TCF4: variants seen among roughly 807,000 people sequenced by gnomAD.
The protein encoded by TCF4 is transcription factor 4.
TCF4 carries 3 observed loss-of-function variants against 82.1 expected under a neutral mutation model. The observed-to-expected ratio is 0.04, with a 90% CI of 0.02 to 0.09. The LOEUF is 0.09. TCF4 is among the 10% of genes least tolerant of loss of function. The pLI, the probability that TCF4 is intolerant of heterozygous loss-of-function variation, is 1.00. For synonymous variants in TCF4, 276 were observed against 309.6 expected (o/e 0.89, Z 1.14); for missense variants, 518 against 852.7 (o/e 0.61, Z 4.89).
chr18:55,377,081 C>G (rs933672971), intron 6 of TCF4, among the ~76,000 whole-genome samples: 1 of 152,200 alleles, frequency 6.6e-6, no homozygotes, highest in African/African-American at 2.4e-5. Context: ...ACCAGTTCTT[C>G]CCAGAGCCCA....
intron 8 of TCF4, among the ~76,000 whole-genome samples, chr18:55,341,733 C>T (rs2080008139): frequency 6.6e-6 from 1 of 152,106 alleles, no homozygotes; most frequent in Non-Finnish European, 1.5e-5. Context: ...GTATCTAAAA[C>T]ATATCCCTCA....
At chr18:55,306,721 T>C (rs2070482815) in intron 8 of TCF4, among the ~76,000 whole-genome samples, 1 of 152,230 alleles carries the variant, frequency 6.6e-6, no homozygotes, top group African/African-American at 2.4e-5. Context: ...GCAGGTATAA[T>C]TATCTTCATT....
chr18:55,388,654 G>T (rs1355123947), intron 6 of TCF4, among the ~76,000 whole-genome samples: 1 of 151,996 alleles, frequency 6.6e-6, no homozygotes, highest in Non-Finnish European at 1.5e-5. Flanking sequence ...AAGACTCTGT[G>T]GGCTACTTGC....
At chr18:55,249,879 T>G (rs1206493907) in intron 15 of TCF4, among the ~76,000 whole-genome samples, 1 of 152,186 alleles carries the variant, frequency 6.6e-6, no homozygotes, top group East Asian at 1.9e-4. Context: ...AAAAAAGCGG[T>G]TAGGTCATTT....
intron 6 of TCF4, chr18:55,402,060 A>C: frequency 1.0e-6 from 1 of 985,446 alleles, no homozygotes; most frequent in Non-Finnish European, 1.2e-6. Flanking sequence ...CTCACATTCC[A>C]AAGATGTTTC....
At chr18:55,350,313 C>T in intron 8 of TCF4, 46 bp downstream of exon 8, 1 of 1,590,614 alleles carries the variant, frequency 6.3e-7, no homozygotes, top group Non-Finnish European at 8.6e-7. Flanking sequence ...CAATACAAAA[C>T]AGAACAAAAT....
At chr18:55,243,802 G>A (rs1222379922) in intron 15 of TCF4, among the ~76,000 whole-genome samples, 2 of 152,106 alleles carry the variant, frequency 1.3e-5, no homozygotes, top group Non-Finnish European at 1.5e-5. Context: ...ACAGGTAATA[G>A]ACCAAACGGC....
rs1196332553 is a variant in TCF4, at chr18:55,333,455, AAAAAC to A, written c.549+16899_549+16903del. ...ATGGCACTTTCTCCCACCAGAAAAA[AAAAAC>A]AAAACAAAACAGAAAAACAAACAAA... is the stretch of plus-strand genomic sequence containing the variant. On this transcript the variant is annotated intron_variant, in intron 8 of 19. Coordinates refer to ENST00000354452, the MANE Select transcript of TCF4 (RefSeq NM_001083962.2). Among the ~76,000 whole-genome samples the A allele has an allele frequency of 2.0e-5, 3 of 152,116 alleles. 1 individual carries two copies. Among genetic ancestry groups the A allele is most frequent in the African/African-American group, 7.2e-5 (3 of 41,432 alleles).
chr18:55,334,002 AT>A (rs1432008725), intron 8 of TCF4, among the ~76,000 whole-genome samples: 2 of 152,092 alleles, frequency 1.3e-5, no homozygotes, highest in African/African-American at 4.8e-5. Context: ...CTCAAGTAGT[AT>A]TGATTTACAT....
intron 5 of TCF4, among the ~76,000 whole-genome samples, chr18:55,444,617 AAGTT>A (rs1018346358): frequency 9.8e-5 from 15 of 152,322 alleles, no homozygotes; most frequent in East Asian, 1.9e-4. Context: ...AACTTTCTAA[AAGTT>A]AGAGCTGTCA....
At position 55,461,009 on chromosome 18, in the gene TCF4, T is replaced by C. The variant is rs751219243; in HGVS notation, c.304+10A>G. ...TCAAAAAGTGTAAGTTAATTTAAAA[T>C]GGGTCTTACTTTGTATTCTGGAATT... On this transcript the variant is annotated intron_variant, in intron 5 of 19. Transcript: ENST00000354452. 6.2e-7 allele frequency: 1 copy of C among 1,610,996 alleles called. No homozygotes were observed. The highest frequency in any genetic ancestry group is 8.5e-7 in the Non-Finnish European group (1 of 1,177,680).
chr18:55,288,825 A>G (rs769156785), intron 8 of TCF4, among the ~76,000 whole-genome samples: 1 of 152,226 alleles, frequency 6.6e-6, no homozygotes, highest in Non-Finnish European at 1.5e-5. Flanking sequence ...ACCGGCTGAG[A>G]GTTACACTAG....
intron 3 of TCF4, among the ~76,000 whole-genome samples, chr18:55,542,039 T>C (rs188196906): frequency 7.9e-5 from 12 of 152,068 alleles, no homozygotes; most frequent in Admixed American, 3.3e-4. Flanking sequence ...GCTTTTATAT[T>C]TGAACACAAG....
intron 6 of TCF4, among the ~76,000 whole-genome samples, chr18:55,363,792 C>T (rs983022618): frequency 1.2e-4 from 18 of 151,802 alleles, no homozygotes; most frequent in East Asian, 3.9e-4. Flanking sequence ...GGAAACAGAG[C>T]GACACTCTGT....
intron 2 of TCF4, among the ~76,000 whole-genome samples, chr18:55,605,001 A>C (rs2097700975): frequency 6.6e-6 from 1 of 152,190 alleles, no homozygotes; most frequent in African/African-American, 2.4e-5. Context: ...CAGATGTACA[A>C]GCACAGACCC....
At chr18:55,297,147 G>GTTTTTTTTTT (rs35268463) in intron 8 of TCF4, among the ~76,000 whole-genome samples, 1 of 64,248 alleles carries the variant, frequency 1.6e-5, no homozygotes, top group Non-Finnish European at 2.9e-5. Context: ...TTTCTTTGAG[G>GTTTTTTTTTT]TTTTTTTTTT....
intron 5 of TCF4, among the ~76,000 whole-genome samples, chr18:55,420,178 A>C (rs2094681928): frequency 6.6e-6 from 1 of 152,244 alleles, no homozygotes; most frequent in Non-Finnish European, 1.5e-5. Context: ...CAAGCCTTAC[A>C]GGTATAATAA....
intron 8 of TCF4, among the ~76,000 whole-genome samples, chr18:55,328,779 T>A (rs1010127286): frequency 6.6e-6 from 1 of 152,190 alleles, no homozygotes; most frequent in Admixed American, 6.5e-5. Context: ...TTCTCAATTT[T>A]AAAAAATTTG....
intron 3 of TCF4, among the ~76,000 whole-genome samples, chr18:55,471,317 T>C (rs1423490396): frequency 2.6e-5 from 4 of 152,126 alleles, no homozygotes; most frequent in Non-Finnish European, 5.9e-5. Context: ...ATCTGGGCAC[T>C]AACAAGAAAC....
Sources: allele counts gnomAD v4.1 joint callset (sites outside exome capture counted in the v4.1 genomes callset), GRCh38; gene constraint gnomAD v4.1.1; transcripts MANE v1.5; gene names NCBI Gene and HGNC (gene_info 2026-07-23, HGNC 2026-07-21).